COL9A1: variants seen among roughly 807,000 people sequenced by gnomAD.
COL9A1 encodes collagen alpha-1(IX) chain.
In COL9A1, 104 loss-of-function variants were observed where a neutral mutation model predicts 142.6. The ratio of observed to expected loss-of-function variants is 0.73; its 90% CI spans 0.62 to 0.86. The LOEUF (loss-of-function observed/expected upper bound fraction) is 0.86, where lower values mean the gene tolerates loss of function less well. Among genes scored for constraint, COL9A1 ranks in the 40% least tolerant of loss-of-function variants. COL9A1 has a pLI of 0.00. For missense variants in COL9A1, 1,210 were observed against 1,176.6 expected (o/e 1.03, Z -0.42); for synonymous variants, 466 against 396.0 (o/e 1.18, Z -2.10).
intron 30 of COL9A1, among the ~76,000 whole-genome samples, 168 bp downstream of exon 30, chr6:70,241,796 T>G (rs564267606): frequency 1.3e-5 from 2 of 152,226 alleles, no homozygotes; most frequent in African/African-American, 4.8e-5. Flanking sequence ...ATTAATAGAC[T>G]TTTTGCTTCT....
intron 6 of COL9A1, among the ~76,000 whole-genome samples, chr6:70,283,423 C>T (rs542865664): frequency 3.9e-5 from 6 of 152,352 alleles, no homozygotes; most frequent in Admixed American, 2.6e-4. Context: ...TGTGCCAGTG[C>T]TGGCCAGTAG....
At chr6:70,273,382 G>C (rs998088987) in intron 12 of COL9A1, among the ~76,000 whole-genome samples, 4 of 152,118 alleles carry the variant, frequency 2.6e-5, no homozygotes, top group Non-Finnish European at 4.4e-5. Flanking sequence ...CCAGCAAGCT[G>C]TTCACTTCTG....
chr6:70,271,963 A>G, intron 13 of COL9A1, 102 bp downstream of exon 13: 1 of 1,225,734 alleles, frequency 8.2e-7, no homozygotes, highest in Non-Finnish European at 1.2e-6. Flanking sequence ...AGAACACTGT[A>G]AACACCACTG....
chr6:70,251,381 CA>C (rs902835600), intron 28 of COL9A1, among the ~76,000 whole-genome samples: 2 of 151,088 alleles, frequency 1.3e-5, no homozygotes, highest in African/African-American at 4.9e-5. Flanking sequence ...CCCATCTCTA[CA>C]AAAAAAAATT....
chr6:70,281,147 G>A, intron 8 of COL9A1, 108 bp from the exon 9 acceptor site: 3 of 977,320 alleles, frequency 3.1e-6, no homozygotes, highest in Non-Finnish European at 4.6e-6. Context: ...ATGGTGTAAG[G>A]GTCAAACGTG....
intron 20 of COL9A1, 140 bp downstream of exon 20, chr6:70,260,517 C>T (rs1771603142): frequency 1.5e-6 from 1 of 680,198 alleles, no homozygotes; most frequent in Non-Finnish European, 2.4e-6. Flanking sequence ...CATTGCACTC[C>T]AGCCTGGGCA....
At chr6:70,301,972 T>A in intron 2 of COL9A1, 29 bp downstream of exon 2, 1 of 1,576,150 alleles carries the variant, frequency 6.3e-7, no homozygotes, top group Non-Finnish European at 8.7e-7. Context: ...ATAAGTGATC[T>A]TTGAAAGTCT....
intron 14 of COL9A1, 34 bp from the exon 15 acceptor site, chr6:70,270,401 T>C (rs1772320471): frequency 1.3e-6 from 2 of 1,590,254 alleles, no homozygotes; most frequent in Admixed American, 1.7e-5. Context: ...ACAGTGGTTA[T>C]ACATGTGTCA....
intron 21 of COL9A1, 33 bp from the exon 22 acceptor site, chr6:70,255,423 A>T (rs754969771): frequency 9.5e-6 from 15 of 1,574,622 alleles, no homozygotes; most frequent in Non-Finnish European, 1.3e-5. Context: ...TAATACAAGA[A>T]AAAGTTACTT....
At chr6:70,254,777 C>A in intron 24 of COL9A1, 186 bp downstream of exon 24, 1 of 704,786 alleles carries the variant, frequency 1.4e-6, no homozygotes. Context: ...TTCCTGAAAC[C>A]AAGCAAATAA....
chr6:70,295,493 A>G (rs976924358), intron 4 of COL9A1, among the ~76,000 whole-genome samples: 3 of 151,606 alleles, frequency 2.0e-5, no homozygotes, highest in Admixed American at 6.6e-5. Flanking sequence ...TCGCCATGTC[A>G]GTCAGGCTGG....
intron 28 of COL9A1, 91 bp downstream of exon 28, chr6:70,252,029 A>G (rs1404203230): frequency 7.7e-7 from 1 of 1,296,802 alleles, no homozygotes; most frequent in Non-Finnish European, 1.1e-6. Context: ...AACATCAGAC[A>G]GCATTCATGG....
chr6:70,269,568 A>G, intron 16 of COL9A1, 65 bp downstream of exon 16: 1 of 1,088,008 alleles, frequency 9.2e-7, no homozygotes, highest in East Asian at 2.3e-5. Flanking sequence ...TTTAAAGAAA[A>G]CTCATCTGCA....
At chr6:70,223,345 T>G (rs1301721445) in intron 37 of COL9A1, among the ~76,000 whole-genome samples, 1 of 152,230 alleles carries the variant, frequency 6.6e-6, no homozygotes, top group Admixed American at 6.5e-5. Context: ...TTTCTTTATT[T>G]CTCAGAATTA....
At chr6:70,230,800 A>G (rs562484635) in intron 36 of COL9A1, among the ~76,000 whole-genome samples, 1 of 152,334 alleles carries the variant, frequency 6.6e-6, no homozygotes, top group African/African-American at 2.4e-5. Flanking sequence ...AATGGGATCC[A>G]GATATCAGTG....
chr6:70,244,449 C>T (rs536118516), intron 28 of COL9A1, among the ~76,000 whole-genome samples: 17 of 152,310 alleles, frequency 1.1e-4, no homozygotes, highest in African/African-American at 1.7e-4. Context: ...TTTTCCTCAT[C>T]GTGTCTGCTC....
At position 70,302,054 on chromosome 6, in the gene COL9A1, A is replaced by G. The variant is rs749667514; in HGVS notation, c.35T>C (p.Phe12Ser). The stretch of plus-strand genomic sequence containing the variant: ...CCAGGGTTCCAGGAAACTGCACACA[A>G]AGAAGAAAACTGGAATTTTCCTGAA... ...KTCWKIPVFFFVCSFLEPWAS... is the reference protein window; with the variant it reads ...KTCWKIPVFFSVCSFLEPWAS... Residue 12 changes from phenylalanine (F) to serine (S), a missense_variant, in exon 2 of 38, where the codon TTT (phenylalanine) becomes TCT (serine). Phe to Ser is a radical substitution (Grantham distance 155). Coordinates refer to ENST00000357250, the MANE Select transcript of COL9A1 (RefSeq NM_001851.6). 3.1e-6 allele frequency: 5 copies of G among 1,611,676 alleles called. No homozygotes were observed. The East Asian group carries it at 6.7e-5, about 22-fold the overall frequency.
chr6:70,273,531 C>A (rs1165930373), intron 12 of COL9A1, among the ~76,000 whole-genome samples: 4 of 152,060 alleles, frequency 2.6e-5, no homozygotes, highest in African/African-American at 9.7e-5. Context: ...GGAAAAGCAG[C>A]CTAAGAACCT....
chr6:70,234,182 T>C (rs1583221015), intron 35 of COL9A1, among the ~76,000 whole-genome samples: 1 of 151,892 alleles, frequency 6.6e-6, no homozygotes, highest in East Asian at 1.9e-4. Context: ...CACTAAGTGG[T>C]AGGGTCTTAA....
Sources: allele counts gnomAD v4.1 joint callset (sites outside exome capture counted in the v4.1 genomes callset), GRCh38; gene constraint gnomAD v4.1.1; transcripts MANE v1.5; gene names NCBI Gene and HGNC (gene_info 2026-07-23, HGNC 2026-07-21).